Variants in COLQ observed in about 807,000 individuals in gnomAD.
COLQ encodes collagen like tail subunit of asymmetric acetylcholinesterase.
Under a neutral mutation model 69.0 loss-of-function variants are expected in COLQ, and 48 were observed. That is an observed-to-expected ratio of 0.70 (90% CI 0.55 to 0.88). The LOEUF is 0.88. Among genes scored for constraint, COLQ ranks in the 40% least tolerant of loss-of-function variants. The probability of loss-of-function intolerance (pLI) is 0.00; values close to 1 mark genes in which losing one functional copy is unlikely to be tolerated. For missense variants in COLQ, 618 were observed against 594.6 expected, an observed-to-expected ratio of 1.04 and a Z score of -0.41; for synonymous variants, 217 against 211.2, an observed-to-expected ratio of 1.03 and a Z score of -0.24.
chr3:15,481,889 T>C (rs886894513), intron 3 of COLQ, among the ~76,000 whole-genome samples: 2 of 152,232 alleles, frequency 1.3e-5, no homozygotes, highest in East Asian at 1.9e-4. Context: ...TTTCATTTCA[T>C]TGAGCAGTGG....
intron 1 of COLQ, 93 bp downstream of exon 1, chr3:15,521,427 G>A (rs931863610): frequency 6.5e-7 from 1 of 1,531,936 alleles, no homozygotes; most frequent in Non-Finnish European, 8.9e-7. Context: ...ACAGTTGAAT[G>A]GCAAAAACAT....
chr3:15,468,635 A>G (rs2062237116), intron 11 of COLQ, among the ~76,000 whole-genome samples: 1 of 152,160 alleles, frequency 6.6e-6, no homozygotes, highest in African/African-American at 2.4e-5. Context: ...CTCCCGGCTG[A>G]GAAGATTTTT....
chr3:15,458,133 A>G (rs2062050368), intron 13 of COLQ, 53 bp downstream of exon 13: 1 of 1,598,404 alleles, frequency 6.3e-7, no homozygotes, highest in Non-Finnish European at 8.6e-7. Context: ...CATAAGGATC[A>G]GGTGAGAGGT....
chr3:15,514,296 C>T (rs1046590231), intron 1 of COLQ, among the ~76,000 whole-genome samples: 1 of 151,964 alleles, frequency 6.6e-6, no homozygotes, highest in African/African-American at 2.4e-5. Flanking sequence ...GAGGCTCTTA[C>T]AGCATGGTCC....
chr3:15,516,185 A>T (rs1031791012), intron 1 of COLQ, among the ~76,000 whole-genome samples: 12 of 152,224 alleles, frequency 7.9e-5, no homozygotes, highest in Admixed American at 7.2e-4. Context: ...TGGGGCGGTA[A>T]ATCAGAGGAG....
At chr3:15,505,531 G>A (rs896416490) in intron 1 of COLQ, among the ~76,000 whole-genome samples, 1 of 152,244 alleles carries the variant, frequency 6.6e-6, no homozygotes, top group South Asian at 2.1e-4. Context: ...CAAATGGCAT[G>A]TGGTAAGTAG....
chr3:15,477,032 G>C (rs542793142), intron 6 of COLQ, 94 bp downstream of exon 6: 20 of 1,198,086 alleles, frequency 1.7e-5, no homozygotes, highest in Non-Finnish European at 2.1e-5. Context: ...TTGAAGAAGG[G>C]ATTCCCTGAC....
intron 1 of COLQ, among the ~76,000 whole-genome samples, chr3:15,501,203 A>G (rs1396932675): frequency 6.6e-6 from 1 of 152,186 alleles, no homozygotes; most frequent in Non-Finnish European, 1.5e-5. Context: ...TCACATTCAC[A>G]GTATTTTGTC....
chr3:15,457,867 T>C (rs2062047522), intron 13 of COLQ, among the ~76,000 whole-genome samples: 1 of 152,186 alleles, frequency 6.6e-6, no homozygotes, highest in Admixed American at 6.5e-5. Flanking sequence ...TCCACCCACC[T>C]TGGCCTCCCA....
At chr3:15,465,232 T>TTTTTTTTATTTA (rs201876301) in intron 12 of COLQ, among the ~76,000 whole-genome samples, 1 of 141,542 alleles carries the variant, frequency 7.1e-6, no homozygotes, top group African/African-American at 2.6e-5. Flanking sequence ...GACTTTATAT[T>TTTTTTTTATTTA]TTGATTTATT....
intron 1 of COLQ, among the ~76,000 whole-genome samples, chr3:15,512,762 T>G (rs1452511341): frequency 6.6e-6 from 1 of 152,236 alleles, no homozygotes; most frequent in Admixed American, 6.5e-5. Flanking sequence ...GAAAGTACTT[T>G]ATGCTCATAA....
At chr3:15,486,950 A>G (rs2062584634) in intron 3 of COLQ, among the ~76,000 whole-genome samples, 1 of 152,240 alleles carries the variant, frequency 6.6e-6, no homozygotes, top group Non-Finnish European at 1.5e-5. Context: ...GTGAAAAAGC[A>G]GCCACAGACA....
At chr3:15,496,609 C>A (rs2062750153) in intron 1 of COLQ, among the ~76,000 whole-genome samples, 1 of 152,248 alleles carries the variant, frequency 6.6e-6, no homozygotes, top group Non-Finnish European at 1.5e-5. Flanking sequence ...CGTGGCTCAG[C>A]ACCAGGCAGC....
chr3:15,461,808 G>A (rs1047118777), intron 12 of COLQ, among the ~76,000 whole-genome samples: 4 of 152,034 alleles, frequency 2.6e-5, no homozygotes, highest in Non-Finnish European at 5.9e-5. Flanking sequence ...TCACGATGGC[G>A]CTGGGACAGG....
intron 1 of COLQ, among the ~76,000 whole-genome samples, chr3:15,520,281 G>A (rs1268191516): frequency 1.3e-5 from 2 of 152,290 alleles, no homozygotes; most frequent in Non-Finnish European, 2.9e-5. Flanking sequence ...CACCTTTCCT[G>A]CCCACCCTCC....
At chr3:15,511,596 G>A (rs1435204730) in intron 1 of COLQ, among the ~76,000 whole-genome samples, 1 of 152,144 alleles carries the variant, frequency 6.6e-6, no homozygotes, top group Non-Finnish European at 1.5e-5. Context: ...CTAGAGACAG[G>A]GGACTCCTGT....
chr3:15,459,449 A>T (rs78202895), intron 12 of COLQ, among the ~76,000 whole-genome samples: 4,138 of 150,086 alleles, frequency 0.028, 157 homozygotes, highest in African/African-American at 0.09. Context: ...ATTAAAAAAA[A>T]TTTTTTTACC....
intron 6 of COLQ, 97 bp downstream of exon 6, chr3:15,477,029 A>T (rs1466157133): frequency 9.4e-6 from 11 of 1,168,118 alleles, no homozygotes; most frequent in Non-Finnish European, 1.3e-5. Flanking sequence ...CTCTTGAAGA[A>T]GGGATTCCCT....
intron 1 of COLQ, among the ~76,000 whole-genome samples, chr3:15,492,146 C>T (rs1320317232): frequency 2.0e-5 from 3 of 152,126 alleles, no homozygotes; most frequent in African/African-American, 7.2e-5. Context: ...ATACATAATG[C>T]TGTGGTTTGA....
Sources: allele counts gnomAD v4.1 joint callset (sites outside exome capture counted in the v4.1 genomes callset), GRCh38; gene constraint gnomAD v4.1.1; transcripts MANE v1.5; gene names NCBI Gene and HGNC (gene_info 2026-07-23, HGNC 2026-07-21).